TMEM163: variants seen among roughly 807,000 people sequenced by gnomAD.
The protein encoded by TMEM163 is transmembrane protein 163.
TMEM163 carries 17 observed loss-of-function variants against 29.3 expected under a neutral mutation model. That is an observed-to-expected ratio of 0.58 (90% CI 0.40 to 0.87). The LOEUF (loss-of-function observed/expected upper bound fraction) is 0.87, where lower values mean the gene tolerates loss of function less well. TMEM163 is among the 40% of genes least tolerant of loss of function. The pLI is 0.00. For synonymous variants in TMEM163, 157 were observed against 160.6 expected (o/e 0.98, Z 0.17); for missense variants, 303 against 381.5 (o/e 0.79, Z 1.71).
At chr2:134,702,999 T>G (rs1221384594) in intron 2 of TMEM163, among the ~76,000 whole-genome samples, 1 of 152,154 alleles carries the variant, frequency 6.6e-6, no homozygotes, top group Non-Finnish European at 1.5e-5. Flanking sequence ...ACATTATTTG[T>G]TACTGAGAAT....
At chr2:134,554,886 G>C (rs1220979480) in intron 2 of TMEM163, among the ~76,000 whole-genome samples, 1 of 152,150 alleles carries the variant, frequency 6.6e-6, no homozygotes, top group African/African-American at 2.4e-5. Context: ...GAGCGAGATG[G>C]CTCCAAGTTA....
intron 4 of TMEM163, among the ~76,000 whole-genome samples, chr2:134,548,618 C>T (rs962359501): frequency 2.0e-5 from 3 of 152,304 alleles, no homozygotes; most frequent in African/African-American, 7.2e-5. Flanking sequence ...TTGATCATCA[C>T]AGGGCAGGTT....
intron 2 of TMEM163, among the ~76,000 whole-genome samples, chr2:134,663,097 T>TCACCCTGTGGC (rs1683792685): frequency 6.6e-6 from 1 of 152,152 alleles, no homozygotes; most frequent in African/African-American, 2.4e-5. Flanking sequence ...CAACCATACT[T>TCACCCTGTGGC]CACCCTGTGG....
intron 2 of TMEM163, among the ~76,000 whole-genome samples, chr2:134,620,554 G>T (rs1682709423): frequency 6.6e-6 from 1 of 152,098 alleles, no homozygotes; most frequent in African/African-American, 2.4e-5. Flanking sequence ...ACCACACCCG[G>T]CTACACTACC....
intron 2 of TMEM163, among the ~76,000 whole-genome samples, chr2:134,657,194 G>A (rs1322625943): frequency 6.6e-6 from 1 of 152,132 alleles, no homozygotes; most frequent in East Asian, 1.9e-4. Context: ...TGTACATCTG[G>A]TAGAATTCAG....
intron 4 of TMEM163, among the ~76,000 whole-genome samples, chr2:134,517,929 T>TCA (rs1029982492): frequency 6.6e-6 from 1 of 150,714 alleles, no homozygotes; most frequent in Non-Finnish European, 1.5e-5. Flanking sequence ...CTTTCATATA[T>TCA]CACTACAGAG....
intron 6 of TMEM163, among the ~76,000 whole-genome samples, chr2:134,462,378 T>C (rs1372350881): frequency 1.3e-5 from 2 of 152,094 alleles, no homozygotes; most frequent in Admixed American, 1.3e-4. Context: ...CATGTCACCC[T>C]ACCTGTTTCA....
chr2:134,614,181 CAATT>C (rs1255449745), intron 2 of TMEM163, among the ~76,000 whole-genome samples: 1 of 152,004 alleles, frequency 6.6e-6, no homozygotes, highest in Non-Finnish European at 1.5e-5. Flanking sequence ...AAAATATGTT[CAATT>C]ATTTCTGACA....
At chr2:134,544,895 A>G (rs1270343923) in intron 4 of TMEM163, among the ~76,000 whole-genome samples, 1 of 152,194 alleles carries the variant, frequency 6.6e-6, no homozygotes, top group African/African-American at 2.4e-5. Context: ...CGCACAGCAC[A>G]GATACAGAAC....
chr2:134,589,909 G>GCA (rs2104801303), intron 2 of TMEM163, among the ~76,000 whole-genome samples: 1 of 152,280 alleles, frequency 6.6e-6, no homozygotes, highest in East Asian at 1.9e-4. Flanking sequence ...ATTGTGAACA[G>GCA]CACACTGGTA....
chr2:134,705,624 G>A (rs1273514137), intron 2 of TMEM163, among the ~76,000 whole-genome samples: 1 of 152,150 alleles, frequency 6.6e-6, no homozygotes, highest in Non-Finnish European at 1.5e-5. Flanking sequence ...TTCCTTCTGT[G>A]TCTCAATATT....
At chr2:134,514,897 TC>T (rs1458721677) in intron 4 of TMEM163, among the ~76,000 whole-genome samples, 3 of 152,194 alleles carry the variant, frequency 2.0e-5, no homozygotes, top group Non-Finnish European at 4.4e-5. Context: ...GAGGAGCTAT[TC>T]CTTCTGCCTA....
At chr2:134,458,203 G>T (rs773970524) in intron 6 of TMEM163, 30 bp from the exon 7 acceptor site, 4 of 1,610,522 alleles carry the variant, frequency 2.5e-6, no homozygotes, top group African/African-American at 2.7e-5. Flanking sequence ...AGGCTAGATG[G>T]CAGTGCCAAG....
At chr2:134,497,170 C>T (rs1679586217) in intron 5 of TMEM163, among the ~76,000 whole-genome samples, 1 of 152,164 alleles carries the variant, frequency 6.6e-6, no homozygotes, top group Admixed American at 6.5e-5. Context: ...GAGTCTCTCC[C>T]CCAACTGTGC....
Position 134,633,885 on chromosome 2 carries a change from C to T in TMEM163, c.322+79315G>A, listed in dbSNP as rs60452600. 6.7e-4 allele frequency among the ~76,000 whole-genome samples: 99 copies of T among 148,758 alleles called. No homozygotes were observed. The East Asian group carries it at 0.02, about 30-fold the overall frequency. ...GCTGAGGTGGGAGAATCACTTGAAC[C>T]CAGGAGGTGTAGGCTGCAGGGAGCA... On this transcript the variant is annotated intron_variant, in intron 2 of 7. Coordinates refer to ENST00000281924, the MANE Select transcript of TMEM163 (RefSeq NM_030923.5).
At chr2:134,487,870 T>C (rs1679346521) in intron 5 of TMEM163, among the ~76,000 whole-genome samples, 2 of 152,214 alleles carry the variant, frequency 1.3e-5, no homozygotes, top group African/African-American at 4.8e-5. Flanking sequence ...ATTAAAGATC[T>C]AATTTTAAAG....
At chr2:134,680,588 G>T (rs1574334514) in intron 2 of TMEM163, among the ~76,000 whole-genome samples, 1 of 152,240 alleles carries the variant, frequency 6.6e-6, no homozygotes. Flanking sequence ...ATCCCCAAGG[G>T]CTCATTATGG....
intron 2 of TMEM163, among the ~76,000 whole-genome samples, chr2:134,701,994 T>C (rs555703137): frequency 6.7e-6 from 1 of 149,122 alleles, no homozygotes; most frequent in South Asian, 2.1e-4. Flanking sequence ...GCTCCCAAAA[T>C]TCAAGCAGTC....
chr2:134,634,734 G>A (rs1208467385), intron 2 of TMEM163, among the ~76,000 whole-genome samples: 2 of 152,208 alleles, frequency 1.3e-5, no homozygotes, highest in African/African-American at 2.4e-5. Flanking sequence ...TATAGTCTTC[G>A]TCAGAACTAC....
Sources: allele counts gnomAD v4.1 joint callset (sites outside exome capture counted in the v4.1 genomes callset), GRCh38; gene constraint gnomAD v4.1.1; transcripts MANE v1.5; gene names NCBI Gene and HGNC (gene_info 2026-07-23, HGNC 2026-07-21).